JUND: variants seen among roughly 807,000 people sequenced by gnomAD.
JUND encodes transcription factor JunD.
Under a neutral mutation model 7.1 loss-of-function variants are expected in JUND, and 2 were observed. The ratio of observed to expected loss-of-function variants is 0.28; its 90% CI spans 0.11 to 0.88. The LOEUF (loss-of-function observed/expected upper bound fraction) is 0.88. Ranked by LOEUF, JUND falls within the 40% of genes least tolerant of loss-of-function variation. The probability of loss-of-function intolerance (pLI) is 0.60; values close to 1 mark genes in which losing one functional copy is unlikely to be tolerated. For synonymous variants in JUND, 335 were observed against 263.2 expected (o/e 1.27, Z -2.64); for missense variants, 479 against 519.1 (o/e 0.92, Z 0.75).
rs41352349 is a variant in JUND, at chr19:18,280,332, AG to A, written c.*108del. The A allele has an allele frequency of 3.2e-5, 37 of 1,158,606 alleles. 1 individual carries two copies. The highest frequency in any genetic ancestry group is 2.0e-4 in the South Asian group (13 of 65,114). 71.8% of individuals were successfully genotyped at this position (1,158,606 alleles called of 1,614,324 possible). A position where few individuals can be genotyped will look rare whatever the true frequency, so the allele number is the denominator to read the frequency against. On this transcript the variant is annotated 3_prime_UTR_variant, in exon 1 of 1. Coordinates refer to ENST00000252818, the MANE Select transcript of JUND (RefSeq NM_005354.6). This position sits in a 1 kb window ranked among gnomAD's most constrained non-coding sequence, Gnocchi z 4.1. Reference sequence around the variant, plus strand: ...TCTGAGTTCCTGGGCACACTCGGGGAGGGGGGGTCCCCAGGGCCGCACCCTC... The same window carrying A: ...TCTGAGTTCCTGGGCACACTCGGGGAGGGGGGTCCCCAGGGCCGCACCCTC...
Position 18,280,872 on chromosome 19 carries a change from C to G in JUND, c.613G>C (p.Gly205Arg). The G allele has an allele frequency of 7.7e-7, 1 of 1,293,390 alleles. No individual in the cohort carries two copies. The highest frequency in any genetic ancestry group is 9.7e-7 in the Non-Finnish European group (1 of 1,031,174). The allele number at this position is 1,293,390 out of a possible 1,614,324, so 80.1% of individuals were successfully genotyped here. Residue 205 changes from glycine (G) to arginine (R), a missense_variant, in exon 1 of 1, where the codon GGG becomes CGG. Coordinates refer to ENST00000252818, the MANE Select transcript of JUND (RefSeq NM_005354.6). This position sits in a 1 kb window ranked among gnomAD's most constrained non-coding sequence, Gnocchi z 4.1. ...ANLSSYAGGAGGAGGAATVAF... is the reference protein window; with the variant it reads ...ANLSSYAGGARGAGGAATVAF... Reference sequence around the variant, plus strand: ...ACCGTCGCGGCGCCCCCCGCGCCCCCGGCGCCGCCCGCGTAGCTGCTCAGG... The same window carrying G: ...ACCGTCGCGGCGCCCCCCGCGCCCCGGGCGCCGCCCGCGTAGCTGCTCAGG...
In JUND at chr19:18,280,295, G is replaced by A. The variant is rs1198414773; in HGVS notation, c.*146C>T. 20 of 754,398 alleles carry A rather than the reference G, an allele frequency of 2.7e-5. No individual in the cohort carries two copies. The highest frequency in any genetic ancestry group is 4.1e-5 in the Non-Finnish European group (20 of 492,744). The allele number at this position is 754,398 out of a possible 1,614,324, so 46.7% of individuals were successfully genotyped here. ...CCCTCGGGGGGGGGGAATCCCCGGG[G>A]GCCGCGCCCTCTCTGAGTTCCTGGG... On this transcript the variant is annotated 3_prime_UTR_variant, in exon 1 of 1. Transcript: ENST00000252818. This position sits in a 1 kb window ranked among gnomAD's most constrained non-coding sequence, Gnocchi z 4.1.
At position 18,280,215 on chromosome 19, in the gene JUND, G is replaced by A. The variant is rs1969910818; in HGVS notation, c.*226C>T. On this transcript the variant is annotated 3_prime_UTR_variant, in exon 1 of 1. Coordinates refer to ENST00000252818, the MANE Select transcript of JUND (RefSeq NM_005354.6). The surrounding 1 kb of genome is among the most constrained non-coding windows in gnomAD (Gnocchi z 4.1). Reference sequence around the variant, plus strand: ...GAAAGAGGCAGCGCGAGGGCGGGGGGGTCATGCGCTCGCCCCCCCGGGAGC... The same window carrying A: ...GAAAGAGGCAGCGCGAGGGCGGGGGAGTCATGCGCTCGCCCCCCCGGGAGC... 6.2e-6 allele frequency: 3 copies of A among 486,412 alleles called. No individual in the cohort carries two copies. The highest frequency in any genetic ancestry group is 7.3e-6 in the Non-Finnish European group (2 of 275,606). 30.1% of individuals were successfully genotyped at this position (486,412 alleles called of 1,614,324 possible). A position where few individuals can be genotyped will look rare whatever the true frequency, so the allele number is the denominator to read the frequency against.
Position 18,280,691 on chromosome 19 carries a change from G to A in JUND, c.794C>T (p.Thr265Met), listed in dbSNP as rs1286954378. 6.2e-7 allele frequency: 1 copy of A among 1,612,392 alleles called. No homozygotes were observed. The highest frequency in any genetic ancestry group is 1.7e-5 in the Admixed American group (1 of 60,004). Residue 265 changes from threonine (T) to methionine (M), a missense_variant, in exon 1 of 1, where the codon ACG becomes ATG. This residue lies in a region of JUND where 63 missense variants were observed against 116.6 expected (regional missense o/e 0.54). Coordinates refer to ENST00000252818, the MANE Select transcript of JUND (RefSeq NM_005354.6). The surrounding 1 kb of genome is among the most constrained non-coding windows in gnomAD (Gnocchi z 4.1). ...SPPLSPIDMDTQERIKAERKR... is the reference protein window; with the variant it reads ...SPPLSPIDMDMQERIKAERKR... ...GCGCTCCGCCTTGATGCGCTCCTGCGTGTCCATGTCGATGGGCGACAACGG... is the reference window on the plus strand; with the variant it reads ...GCGCTCCGCCTTGATGCGCTCCTGCATGTCCATGTCGATGGGCGACAACGG...
Position 18,280,862 on chromosome 19 carries a change from C to T in JUND, c.623G>A (p.Gly208Glu), listed in dbSNP as rs1969931990. Reference protein sequence around the residue: ...SSYAGGAGGAGGAATVAFAAE... With the variant: ...SSYAGGAGGAEGAATVAFAAE... ...AGCGAAGGCGACCGTCGCGGCGCCC[C>T]CCGCGCCCCCGGCGCCGCCCGCGTA... is the stretch of plus-strand genomic sequence containing the variant. The change falls in exon 1 of 1, where the codon GGG becomes GAG. Residue 208 changes from glycine (G) to glutamate (E), a missense_variant. By Grantham distance (98) the Gly-to-Glu change is moderately conservative (BLOSUM62 -2). Coordinates refer to ENST00000252818, the MANE Select transcript of JUND (RefSeq NM_005354.6). This position sits in a 1 kb window ranked among gnomAD's most constrained non-coding sequence, Gnocchi z 4.1. 2 of 1,309,896 alleles carry T rather than the reference C, an allele frequency of 1.5e-6. No individual in the cohort carries two copies. The highest frequency in any genetic ancestry group is 1.6e-5 in the African/African-American group (1 of 63,904). 81.1% of individuals were successfully genotyped at this position (1,309,896 alleles called of 1,614,324 possible).
chr19:18,281,237 G>T lies in JUND; in HGVS notation c.248C>A (p.Pro83His), dbSNP rs1219396546. The change falls in exon 1 of 1, where the codon CCC becomes CAC. Residue 83 changes from proline to histidine, a missense_variant. By Grantham distance (77) the Pro-to-His change is moderately conservative. Around this residue, in one of 3 missense-constraint regions of JUND, gnomAD observed 374 missense variants for 365.4 expected, o/e 1.02. Coordinates refer to ENST00000252818, the MANE Select transcript of JUND (RefSeq NM_005354.6). ...LRADGAPSAAPPDGLLASPDL... is the reference protein window; with the variant it reads ...LRADGAPSAAHPDGLLASPDL... Reference sequence around the variant, plus strand: ...GGGAGAGGCGAGCAGGCCGTCGGGGGGTGCCGCGCTGGGGGCGCCGTCGGC... The same window carrying T: ...GGGAGAGGCGAGCAGGCCGTCGGGGTGTGCCGCGCTGGGGGCGCCGTCGGC... 1 of 1,484,180 alleles carries T rather than the reference G, an allele frequency of 6.7e-7. No individual in the cohort carries two copies. The highest frequency in any genetic ancestry group is 1.3e-5 in the South Asian group (1 of 79,502). 91.9% of individuals were successfully genotyped at this position (1,484,180 alleles called of 1,614,324 possible). A position where few individuals can be genotyped will look rare whatever the true frequency, so the allele number is the denominator to read the frequency against.
At position 18,281,401 on chromosome 19, in the gene JUND, C is replaced by G. The variant is rs954856981; in HGVS notation, c.84G>C (p.Pro28=). Residue 28 remains proline, a synonymous_variant, in exon 1 of 1, where the codon CCG becomes CCC. Transcript: ENST00000252818. The part of the protein sequence containing the change: ...ASGSGGSFAS[P]GRLFPGAPPT... ...GGGGCGCCCCGGGGAACAAGCGGCCCGGGGACGCGAAGCTGCCGCCGCTGC... is the reference window on the plus strand; with the variant it reads ...GGGGCGCCCCGGGGAACAAGCGGCCGGGGGACGCGAAGCTGCCGCCGCTGC... The G allele has an allele frequency of 7.4e-7, 1 of 1,350,024 alleles. No homozygotes were observed. The highest frequency in any genetic ancestry group is 9.4e-7 in the Non-Finnish European group (1 of 1,059,236). 83.6% of individuals were successfully genotyped at this position (1,350,024 alleles called of 1,614,324 possible).
At position 18,281,012 on chromosome 19, in the gene JUND, G is replaced by GCCGCGC. The variant is rs766292395; in HGVS notation, c.467_472dup (p.Gly156_Ala157dup). 1.0e-5 allele frequency: 13 copies of GCCGCGC among 1,290,696 alleles called. No individual in the cohort carries two copies. The highest frequency in any genetic ancestry group is 3.8e-5 in the Admixed American group (1 of 26,104). 80.0% of individuals were successfully genotyped at this position (1,290,696 alleles called of 1,614,324 possible). On this transcript the variant is annotated inframe_insertion, in exon 1 of 1. Transcript: ENST00000252818. ...GGCGGCGGCGGCGGCGGCGGCAGCG[G>GCCGCGC]CCGCGCCCGCGCCGAGCTGGTTCTG... is the stretch of plus-strand genomic sequence containing the variant.
chr19:18,280,153 C>A lies in JUND; in HGVS notation c.*288G>T. Reference sequence around the variant, plus strand: ...GCGGTGTACAAAGGGGCAGCCGAGACGCGCGGGTTTGTGCAACACGGGGCG... The same window carrying A: ...GCGGTGTACAAAGGGGCAGCCGAGAAGCGCGGGTTTGTGCAACACGGGGCG... On this transcript the variant is annotated 3_prime_UTR_variant, in exon 1 of 1. Coordinates refer to ENST00000252818, the MANE Select transcript of JUND (RefSeq NM_005354.6). This position sits in a 1 kb window ranked among gnomAD's most constrained non-coding sequence, Gnocchi z 4.1. 1 of 370,870 alleles carries A rather than the reference C, an allele frequency of 2.7e-6. No individual in the cohort carries two copies. Among genetic ancestry groups the A allele is most frequent in the Non-Finnish European group, 4.9e-6 (1 of 203,714 alleles). The allele number at this position is 370,870 out of a possible 1,614,324, so 23.0% of individuals were successfully genotyped here.
chr19:18,280,806 G>C lies in JUND; in HGVS notation c.679C>G (p.Pro227Ala). 1 of 1,568,154 alleles carries C rather than the reference G, an allele frequency of 6.4e-7. No individual in the cohort carries two copies. The highest frequency in any genetic ancestry group is 8.6e-7 in the Non-Finnish European group (1 of 1,166,418). The change falls in exon 1 of 1, where the codon CCC becomes GCC. Residue 227 changes from proline (P) to alanine (A), a missense_variant. By Grantham distance (27) the Pro-to-Ala change is conservative. Coordinates refer to ENST00000252818, the MANE Select transcript of JUND (RefSeq NM_005354.6). This position sits in a 1 kb window ranked among gnomAD's most constrained non-coding sequence, Gnocchi z 4.1. ...AEPVPFPPPP[P>A]PGALGPPRLA... Reference sequence around the variant, plus strand: ...CGCGGCGGCCCCAACGCGCCTGGGGGTGGCGGCGGCGGGAAGGGCACAGGT... The same window carrying C: ...CGCGGCGGCCCCAACGCGCCTGGGGCTGGCGGCGGCGGGAAGGGCACAGGT...
chr19:18,280,253 T>G lies in JUND; in HGVS notation c.*188A>C. 6.3e-6 allele frequency: 1 copy of G among 157,574 alleles called. No individual in the cohort carries two copies. Among genetic ancestry groups the G allele is most frequent in the Non-Finnish European group, 1.1e-5 (1 of 94,150 alleles). 9.8% of individuals were successfully genotyped at this position (157,574 alleles called of 1,614,324 possible). ...CCCCCCCGGGAGCAGGGGGTCCAGC[T>G]TGTCGAGTCCTGGGCACCCTCGGGG... On this transcript the variant is annotated 3_prime_UTR_variant, in exon 1 of 1. Coordinates refer to ENST00000252818, the MANE Select transcript of JUND (RefSeq NM_005354.6). This position sits in a 1 kb window ranked among gnomAD's most constrained non-coding sequence, Gnocchi z 4.1.
Position 18,281,027 on chromosome 19 carries a change from A to C in JUND, c.458T>G (p.Leu153Arg). The C allele has an allele frequency of 2.1e-6, 3 of 1,421,496 alleles. No individual in the cohort carries two copies. Among genetic ancestry groups the C allele is most frequent in the Non-Finnish European group, 2.8e-6 (3 of 1,081,866 alleles). The allele number at this position is 1,421,496 out of a possible 1,614,324, so 88.1% of individuals were successfully genotyped here. The change falls in exon 1 of 1, where the codon CTC (leucine) becomes CGC (arginine). Residue 153 changes from leucine to arginine, a missense_variant. Leu to Arg is a moderately radical substitution (Grantham distance 102). This residue lies in a region of JUND where 374 missense variants were observed against 365.4 expected (regional missense o/e 1.02). Transcript: ENST00000252818. ...GGCGGCAGCGGCCGCGCCCGCGCCG[A>C]GCTGGTTCTGCTTGTGTAAATCCTC... ...ALEDLHKQNQLGAGAAAAAAA... is the reference protein window; with the variant it reads ...ALEDLHKQNQRGAGAAAAAAA...
In JUND at chr19:18,279,699, AACCAGGCCCCGCCCAGCCC is replaced by A. The variant is rs1227499169; in HGVS notation, c.*723_*741del. The A allele has an allele frequency of 6.6e-6, 1 of 152,032 alleles. No homozygotes were observed. The highest frequency in any genetic ancestry group is 1.5e-5 in the Non-Finnish European group (1 of 68,152). 9.4% of individuals were successfully genotyped at this position (152,032 alleles called of 1,614,324 possible). A position where few individuals can be genotyped will look rare whatever the true frequency, so the allele number is the denominator to read the frequency against. On this transcript the variant is annotated 3_prime_UTR_variant, in exon 1 of 1. Coordinates refer to ENST00000252818, the MANE Select transcript of JUND (RefSeq NM_005354.6). Reference sequence around the variant, plus strand: ...AAGGCGGGGGTGTAGGGGGGAAGCGAACCAGGCCCCGCCCAGCCCGCCAGGCCCCGGCGGGGGAAGAAGG... The same window carrying A: ...AAGGCGGGGGTGTAGGGGGGAAGCGAGCCAGGCCCCGGCGGGGGAAGAAGG...
chr19:18,281,116 G>C lies in JUND; in HGVS notation c.369C>G (p.Phe123Leu). Residue 123 changes from phenylalanine to leucine, a missense_variant, in exon 1 of 1, where the codon TTC becomes TTG. Phe to Leu is a conservative substitution (Grantham distance 22, BLOSUM62 0). This residue lies in a region of JUND where 374 missense variants were observed against 365.4 expected (regional missense o/e 1.02). Coordinates refer to ENST00000252818, the MANE Select transcript of JUND (RefSeq NM_005354.6). Reference protein sequence around the residue: ...LVTTTPTSSQFLYPKVAASEE... With the variant: ...LVTTTPTSSQLLYPKVAASEE... ...CGCTGGCCGCCACCTTGGGGTAGAGGAACTGTGAGCTCGTCGGCGTGGTGG... is the reference window on the plus strand; with the variant it reads ...CGCTGGCCGCCACCTTGGGGTAGAGCAACTGTGAGCTCGTCGGCGTGGTGG... 6.3e-7 allele frequency: 1 copy of C among 1,580,904 alleles called. No homozygotes were observed. The highest frequency in any genetic ancestry group is 1.4e-5 in the African/African-American group (1 of 72,030).
chr19:18,281,108 G>A lies in JUND; in HGVS notation c.377C>T (p.Pro126Leu). 5 of 1,581,320 alleles carry A rather than the reference G, an allele frequency of 3.2e-6. No individual in the cohort carries two copies. The highest frequency in any genetic ancestry group is 4.3e-6 in the Non-Finnish European group (5 of 1,168,794). ...CTGCTCCTCGCTGGCCGCCACCTTG[G>A]GGTAGAGGAACTGTGAGCTCGTCGG... ...TTPTSSQFLY[P>L]KVAASEEQEF... The change falls in exon 1 of 1, where the codon CCC (proline) becomes CTC (leucine). Residue 126 changes from proline (P) to leucine (L), a missense_variant. Coordinates refer to ENST00000252818, the MANE Select transcript of JUND (RefSeq NM_005354.6).
At position 18,281,269 on chromosome 19, in the gene JUND, G is replaced by C. The variant is rs543463067; in HGVS notation, c.216C>G (p.Pro72=). The change falls in exon 1 of 1, where the codon CCC becomes CCG. Residue 72 remains proline (P), a synonymous_variant. Coordinates refer to ENST00000252818, the MANE Select transcript of JUND (RefSeq NM_005354.6). ...LKPAAAPPPT[P]LRADGAPSAA... The stretch of plus-strand genomic sequence containing the variant: ...CGCTGGGGGCGCCGTCGGCGCGCAG[G>C]GGGGTAGGAGGCGGCGCGGCCGCAG... 182 of 1,437,474 alleles carry C rather than the reference G, an allele frequency of 1.3e-4. No homozygotes were observed. In the East Asian group the frequency reaches 5.2e-3, roughly 41 times the overall value. The allele number at this position is 1,437,474 out of a possible 1,614,324, so 89.0% of individuals were successfully genotyped here. A position where few individuals can be genotyped will look rare whatever the true frequency, so the allele number is the denominator to read the frequency against.
Position 18,280,624 on chromosome 19 carries a change from C to T in JUND, c.861G>A (p.Lys287=). The change falls in exon 1 of 1, where the codon AAG becomes AAA. Residue 287 remains lysine (K), a synonymous_variant. Coordinates refer to ENST00000252818, the MANE Select transcript of JUND (RefSeq NM_005354.6). The surrounding 1 kb of genome is among the most constrained non-coding windows in gnomAD (Gnocchi z 4.1). ...GGCGCGAGATGCGCTCCAGCTTGCG[C>T]TTGCGGCACTTGGAGGCGGCGATGC... is the stretch of plus-strand genomic sequence containing the variant. ...RNRIAASKCR[K]RKLERISRLE... 1.9e-6 allele frequency: 3 copies of T among 1,612,938 alleles called. No individual in the cohort carries two copies. Among genetic ancestry groups the T allele is most frequent in the Non-Finnish European group, 2.5e-6 (3 of 1,179,798 alleles).
At position 18,281,492 on chromosome 19, in the gene JUND, C is replaced by T. The variant is rs1452792499; in HGVS notation, c.-8G>A. 4 of 1,281,690 alleles carry T rather than the reference C, an allele frequency of 3.1e-6. No homozygotes were observed. In the South Asian group the frequency reaches 7.3e-5, roughly 23 times the overall value. The allele number at this position is 1,281,690 out of a possible 1,614,324, so 79.4% of individuals were successfully genotyped here. On this transcript the variant is annotated 5_prime_UTR_variant, in exon 1 of 1. Coordinates refer to ENST00000252818, the MANE Select transcript of JUND (RefSeq NM_005354.6). ...GTAGAAGGGTGTTTCCATCCTCCGC[C>T]TCCCCCGCCGCGCCGGCCCGGGGGG...
At position 18,280,030 on chromosome 19, in the gene JUND, ACT is replaced by A. The variant is rs1003377537; in HGVS notation, c.*409_*410del. On this transcript the variant is annotated 3_prime_UTR_variant, in exon 1 of 1. Coordinates refer to ENST00000252818, the MANE Select transcript of JUND (RefSeq NM_005354.6). The surrounding 1 kb of genome is among the most constrained non-coding windows in gnomAD (Gnocchi z 4.1). ...AAACATAAATAGGGCAGAATCGAAC[ACT>A]CTGTTCTTCTCTCTTCCAAAGAAAA... 1.5e-4 allele frequency: 33 copies of A among 221,454 alleles called. No individual in the cohort carries two copies. Among genetic ancestry groups the A allele is most frequent in the African/African-American group, 7.3e-4 (30 of 41,086 alleles). 13.7% of individuals were successfully genotyped at this position (221,454 alleles called of 1,614,324 possible). A position where few individuals can be genotyped will look rare whatever the true frequency, so the allele number is the denominator to read the frequency against.
Sources: allele counts gnomAD v4.1 joint callset, GRCh38; gene constraint gnomAD v4.1.1; regional missense constraint gnomAD v4.1.1; non-coding constraint Gnocchi (gnomAD v3.1); transcripts MANE v1.5; gene names NCBI Gene and HGNC (gene_info 2026-07-23, HGNC 2026-07-21).